Variants in GLIS3 observed in about 807,000 individuals in gnomAD.
GLIS3 encodes GLIS family zinc finger 3, also known as zinc finger protein GLIS3.
In GLIS3, 53 loss-of-function variants were observed where a neutral mutation model predicts 78.6. The observed-to-expected ratio is 0.67, with a 90% CI of 0.54 to 0.85. GLIS3 has a LOEUF of 0.85. Ranked by LOEUF, GLIS3 falls within the 40% of genes least tolerant of loss-of-function variation. GLIS3 has a pLI of 0.00. For synonymous variants in GLIS3, 684 were observed against 509.9 expected (o/e 1.34, Z -4.60); for missense variants, 1,703 against 1,231.1 (o/e 1.38, Z -5.74).
intron 2 of GLIS3, among the ~76,000 whole-genome samples, chr9:4,240,088 T>G (rs1823148577): frequency 6.6e-6 from 1 of 152,028 alleles, no homozygotes; most frequent in Admixed American, 6.6e-5. Context: ...GGACACATAT[T>G]TTATCCTTCT....
Position 3,897,462 on chromosome 9 carries a change from T to C in GLIS3, c.2128+1229A>G, listed in dbSNP as rs143843873. 4.7e-3 allele frequency among the ~76,000 whole-genome samples: 710 copies of C among 152,202 alleles called. 6 individuals carry two copies. Among genetic ancestry groups the C allele is most frequent in the Admixed American group, 8.4e-3 (128 of 15,294 alleles). On this transcript the variant is annotated intron_variant, in intron 7 of 10. Coordinates refer to ENST00000381971, the MANE Select transcript of GLIS3 (RefSeq NM_001042413.2). ...ATATATATATATATTTAATACAAAA[T>C]ATTTATGTATGTGTTGGTAACACTG... is the stretch of plus-strand genomic sequence containing the variant.
At chr9:4,088,131 T>A (rs2380935) in intron 4 of GLIS3, among the ~76,000 whole-genome samples, 4 of 151,992 alleles carry the variant, frequency 2.6e-5, no homozygotes, top group African/African-American at 9.7e-5. Context: ...ATTCAACTTC[T>A]GAAAGGGAGA....
At chr9:3,851,299 G>A (rs574958710) in intron 9 of GLIS3, among the ~76,000 whole-genome samples, 4 of 152,234 alleles carry the variant, frequency 2.6e-5, no homozygotes, top group South Asian at 2.1e-4. Context: ...AGAAAAGACC[G>A]AAAAACAAGC....
intron 7 of GLIS3, among the ~76,000 whole-genome samples, chr9:3,892,569 T>A (rs375901275): frequency 1.3e-5 from 2 of 152,182 alleles, no homozygotes. Flanking sequence ...TTCATTAATG[T>A]CCCTTAATTT....
At chr9:4,451,982 G>C in the GLIS3 span, among the ~76,000 whole-genome samples, 1 of 151,896 alleles carries the variant, frequency 6.6e-6, no homozygotes, top group South Asian at 2.1e-4. Context: ...CCACAATCAA[G>C]TCGGCTTCAT....
At chr9:4,125,645 TG>T (rs1832516324) in intron 3 of GLIS3, 88 bp downstream of exon 3, 1 of 872,570 alleles carries the variant, frequency 1.1e-6, no homozygotes, top group Non-Finnish European at 1.9e-6. Flanking sequence ...TGTGTGTGTG[TG>T]TGTGTGTGTA....
At chr9:4,293,063 A>C (rs180876026) in intron 1 of GLIS3, among the ~76,000 whole-genome samples, 6 of 152,348 alleles carry the variant, frequency 3.9e-5, no homozygotes, top group African/African-American at 7.2e-5. Flanking sequence ...AAAAACAAAC[A>C]AACAAACAAA....
intron 4 of GLIS3, among the ~76,000 whole-genome samples, chr9:4,087,826 G>C (rs1023648340): frequency 1.3e-5 from 2 of 152,140 alleles, no homozygotes; most frequent in Non-Finnish European, 2.9e-5. Flanking sequence ...GAAGCCTTCA[G>C]TTTCTTCCCA....
chr9:3,924,092 G>C (rs1051232080), intron 6 of GLIS3, among the ~76,000 whole-genome samples: 1 of 152,190 alleles, frequency 6.6e-6, no homozygotes, highest in Non-Finnish European at 1.5e-5. Flanking sequence ...GTTCAAATTT[G>C]ATTTAAATTC....
intron 4 of GLIS3, among the ~76,000 whole-genome samples, chr9:3,942,227 T>G (rs1036338518): frequency 6.6e-6 from 1 of 152,178 alleles, no homozygotes; most frequent in Non-Finnish European, 1.5e-5. Flanking sequence ...CAGACATGCT[T>G]TTTAAAATAT....
At chr9:4,282,925 G>C (rs1243044119) in intron 2 of GLIS3, among the ~76,000 whole-genome samples, 2 of 151,990 alleles carry the variant, frequency 1.3e-5, no homozygotes, top group African/African-American at 4.8e-5. Context: ...TTCTTCTCCA[G>C]CTTCATCTCT....
At chr9:4,136,282 T>A (rs762780130) in intron 2 of GLIS3, among the ~76,000 whole-genome samples, 6 of 152,098 alleles carry the variant, frequency 3.9e-5, no homozygotes, top group Non-Finnish European at 8.8e-5. Context: ...AGACAGGAGC[T>A]CAGAGGAGGA....
rs375152242 is a variant in GLIS3, at chr9:4,157,147, T to C, written c.389-31206A>G. On this transcript the variant is annotated intron_variant, in intron 2 of 10. Coordinates refer to ENST00000381971, the MANE Select transcript of GLIS3 (RefSeq NM_001042413.2). Reference sequence around the variant, plus strand: ...TTCAGAAAGGTGCGTGCGGTAATTATAAGCTATTTGTTATGAGCTAGGCTC... The same window carrying C: ...TTCAGAAAGGTGCGTGCGGTAATTACAAGCTATTTGTTATGAGCTAGGCTC... 3.3e-5 allele frequency among the ~76,000 whole-genome samples: 5 copies of C among 152,324 alleles called. No individual in the cohort carries two copies. In the East Asian group the frequency reaches 7.7e-4, roughly 23 times the overall value.
the GLIS3 span, among the ~76,000 whole-genome samples, chr9:4,452,850 G>C: frequency 2.6e-5 from 4 of 152,100 alleles, no homozygotes; most frequent in Admixed American, 2.0e-4. Flanking sequence ...AGCCCATATA[G>C]CCGAGACAAC....
intron 4 of GLIS3, among the ~76,000 whole-genome samples, chr9:4,108,026 C>T (rs1830909544): frequency 1.3e-5 from 2 of 152,020 alleles, no homozygotes; most frequent in South Asian, 2.1e-4. Flanking sequence ...ATGGTTAGGA[C>T]TCAAAGGTGA....
At chr9:4,256,776 CAA>C (rs1053336164) in intron 2 of GLIS3, among the ~76,000 whole-genome samples, 11 of 144,492 alleles carry the variant, frequency 7.6e-5, no homozygotes, top group Non-Finnish European at 1.2e-4. Context: ...TACACATTCA[CAA>C]AAGAGTACGG....
At chr9:4,121,141 T>G (rs1832146431) in intron 3 of GLIS3, among the ~76,000 whole-genome samples, 1 of 152,218 alleles carries the variant, frequency 6.6e-6, no homozygotes. Context: ...AGAACAAAAC[T>G]TCCCCAAATG....
chr9:4,233,315 G>C (rs1822436374), intron 2 of GLIS3, among the ~76,000 whole-genome samples: 2 of 152,138 alleles, frequency 1.3e-5, no homozygotes, highest in Admixed American at 6.5e-5. Flanking sequence ...CCTCCAAATA[G>C]GCTTGTACTT....
intron 2 of GLIS3, among the ~76,000 whole-genome samples, chr9:4,235,950 A>T (rs1392813359): frequency 6.6e-6 from 1 of 152,138 alleles, no homozygotes; most frequent in Non-Finnish European, 1.5e-5. Flanking sequence ...ACCTCTAATG[A>T]ACAAAATAAC....
Sources: gnomAD v4.1 joint callset for allele counts (sites outside exome capture counted in the v4.1 genomes callset) on GRCh38, gnomAD v4.1.1 for gene constraint, MANE v1.5 for transcripts, NCBI Gene and HGNC (gene_info 2026-07-23, HGNC 2026-07-21) for gene names.